ADGRV1: variants seen among roughly 807,000 people sequenced by gnomAD.
ADGRV1 encodes the protein adhesion G protein-coupled receptor V1.
In ADGRV1, 359 loss-of-function variants were observed where a neutral mutation model predicts 596.2. The observed-to-expected ratio is 0.60, with a 90% CI of 0.55 to 0.66. ADGRV1 has a LOEUF of 0.66. Among genes scored for constraint, ADGRV1 ranks in the 30% least tolerant of loss-of-function variants. The pLI is 0.00. For synonymous variants in ADGRV1, 2,681 were observed against 2,679.2 expected (o/e 1.00, Z -0.02); for missense variants, 7,274 against 7,575.6 (o/e 0.96, Z 1.48).
At chr5:91,009,918 A>T (rs1226123307) in intron 85 of ADGRV1, among the ~76,000 whole-genome samples, 1 of 152,108 alleles carries the variant, frequency 6.6e-6, no homozygotes, top group Non-Finnish European at 1.5e-5. Flanking sequence ...TGTATAAATT[A>T]TAAGTACAAA....
intron 67 of ADGRV1, 39 bp from the exon 68 acceptor site, chr5:90,788,032 C>G: frequency 6.9e-7 from 1 of 1,441,088 alleles, no homozygotes. Context: ...TAAAATTGAT[C>G]TCTATTAAAG....
chr5:91,125,323 G>A (rs758295137), intron 87 of ADGRV1, among the ~76,000 whole-genome samples: 17 of 152,134 alleles, frequency 1.1e-4, no homozygotes, highest in Non-Finnish European at 2.4e-4. Context: ...CTTTGGGTAG[G>A]TCATGCATTA....
chr5:90,727,983 T>G (rs1276334506), intron 48 of ADGRV1, among the ~76,000 whole-genome samples: 1 of 152,244 alleles, frequency 6.6e-6, no homozygotes, highest in East Asian at 1.9e-4. Context: ...ATACATTGAC[T>G]TAATTATTGA....
chr5:91,054,071 TTGTG>T (rs769226492), intron 85 of ADGRV1, among the ~76,000 whole-genome samples: 3,421 of 133,042 alleles, frequency 0.026, 52 homozygotes, highest in Middle Eastern at 0.054. Flanking sequence ...CTGTGTGTGT[TTGTG>T]TGTGTGTGTG....
At chr5:91,000,303 A>G (rs1186319574) in intron 85 of ADGRV1, among the ~76,000 whole-genome samples, 16 of 152,086 alleles carry the variant, frequency 1.1e-4, no homozygotes, top group Admixed American at 1.0e-3. Flanking sequence ...AAACATGTTT[A>G]CCTTTCCTCA....
chr5:90,624,445 A>G (rs936641573), intron 5 of ADGRV1, among the ~76,000 whole-genome samples: 3 of 152,162 alleles, frequency 2.0e-5, no homozygotes, highest in African/African-American at 7.2e-5. Flanking sequence ...TTGTTTAAAT[A>G]ATTATAAGTA....
intron 1 of ADGRV1, among the ~76,000 whole-genome samples, chr5:90,583,577 G>A (rs1180999927): frequency 1.3e-5 from 2 of 152,098 alleles, no homozygotes; most frequent in Non-Finnish European, 2.9e-5. Context: ...GGAGATGAAT[G>A]TAACCATAGA....
At chr5:90,749,366 CAG>C (rs1477751679) in intron 52 of ADGRV1, among the ~76,000 whole-genome samples, 6 of 152,058 alleles carry the variant, frequency 3.9e-5, no homozygotes, top group South Asian at 2.1e-4. Context: ...GGCATGGAGC[CAG>C]AGAGAGCTGG....
chr5:90,675,949 G>T (rs1033931958), intron 24 of ADGRV1, 131 bp from the exon 25 acceptor site: 1 of 614,634 alleles, frequency 1.6e-6, no homozygotes. Flanking sequence ...TATTTTACTT[G>T]TCTTCTTAGC....
chr5:90,577,331 A>G (rs533275316), intron 1 of ADGRV1, among the ~76,000 whole-genome samples: 24 of 152,248 alleles, frequency 1.6e-4, no homozygotes, highest in Non-Finnish European at 3.5e-4. Context: ...AGCTTTCTAC[A>G]TATGGCTAGC....
rs780946341 is a variant in ADGRV1, at chr5:90,778,896, AT to A, written c.12885del (p.Phe4295LeufsTer11). The A allele has an allele frequency of 1.2e-6, 2 of 1,613,042 alleles. No individual in the cohort carries two copies. Among genetic ancestry groups the A allele is most frequent in the Non-Finnish European group, 1.7e-6 (2 of 1,179,246 alleles). The stretch of plus-strand genomic sequence containing the variant: ...ATCACAATCATCCGTTCCAGTGGAG[AT>A]TTTGGCCATGTGCGACTCTGGTACA... ...VNITIIRSSG[D>X]FGHVRLWYKT... On this transcript the variant is annotated frameshift_variant, in exon 64 of 90. Coordinates refer to ENST00000405460, the MANE Select transcript of ADGRV1 (RefSeq NM_032119.4). LOFTEE classifies it high-confidence loss of function.
intron 85 of ADGRV1, among the ~76,000 whole-genome samples, chr5:91,063,252 C>T (rs977517168): frequency 2.0e-5 from 3 of 152,138 alleles, no homozygotes; most frequent in African/African-American, 7.2e-5. Flanking sequence ...AGCCACTGCA[C>T]CAACTGTTTT....
Position 90,643,061 on chromosome 5 carries a change from C to A in ADGRV1, c.2553+20C>A, listed in dbSNP as rs371367017. 1.3e-5 allele frequency: 20 copies of A among 1,586,040 alleles called. No individual in the cohort carries two copies. The African/African-American group carries it at 2.4e-4, about 19-fold the overall frequency. The stretch of plus-strand genomic sequence containing the variant: ...CCAGAGGTATGGGATTTTATATTTT[C>A]TTTGTGTTTCTCTGTAAGATTGATA... On this transcript the variant is annotated intron_variant, in intron 13 of 89. Coordinates refer to ENST00000405460, the MANE Select transcript of ADGRV1 (RefSeq NM_032119.4).
chr5:90,912,978 A>G (rs1367126081), intron 83 of ADGRV1, among the ~76,000 whole-genome samples: 1 of 149,568 alleles, frequency 6.7e-6, no homozygotes, highest in African/African-American at 2.6e-5. Flanking sequence ...TTCGAAACAT[A>G]TTTTTATTTT....
At chr5:90,575,798 T>A (rs1160976835) in intron 1 of ADGRV1, among the ~76,000 whole-genome samples, 3 of 152,070 alleles carry the variant, frequency 2.0e-5, no homozygotes, top group Admixed American at 2.0e-4. Context: ...TCCTGGTGAA[T>A]TCTCAGGCAT....
Position 90,783,907 on chromosome 5 carries a change from A to C in ADGRV1, c.13503A>C (p.Leu4501=). 1 of 1,612,370 alleles carries C rather than the reference A, an allele frequency of 6.2e-7. No homozygotes were observed. The highest frequency in any genetic ancestry group is 8.5e-7 in the Non-Finnish European group (1 of 1,179,262). The change falls in exon 67 of 90, where the codon CTA becomes CTC. Residue 4501 remains leucine, a synonymous_variant. Transcript: ENST00000405460. ...GAGGAGCGGTCCTTGGGCGCCACCT[A>C]GTGAGCAGAATCATAATAGCTAAGA... ...ATGGAVLGRH[L]VSRIIIAKSD...
intron 21 of ADGRV1, among the ~76,000 whole-genome samples, chr5:90,665,477 T>C (rs950032333): frequency 7.2e-5 from 11 of 152,176 alleles, no homozygotes; most frequent in Non-Finnish European, 1.5e-4. Context: ...TATCATTTTT[T>C]ATTCCGTCTA....
intron 59 of ADGRV1, among the ~76,000 whole-genome samples, chr5:90,770,077 A>C (rs148349676): frequency 0.012 from 1,781 of 152,314 alleles, 36 homozygotes; most frequent in African/African-American, 0.041. Context: ...ACTGCTAATA[A>C]AGACATACTC....
intron 1 of ADGRV1, among the ~76,000 whole-genome samples, chr5:90,612,642 G>A (rs1278159204): frequency 1.3e-5 from 2 of 151,876 alleles, no homozygotes; most frequent in South Asian, 4.2e-4. Flanking sequence ...TGTATATAAA[G>A]TACCTTAAAA....
Sources: allele counts gnomAD v4.1 joint callset (sites outside exome capture counted in the v4.1 genomes callset), GRCh38; gene constraint gnomAD v4.1.1; transcripts MANE v1.5; gene names NCBI Gene and HGNC (gene_info 2026-07-23, HGNC 2026-07-21).